Variants in PPL observed in about 807,000 individuals in gnomAD.
PPL encodes the protein periplakin.
In PPL, 198 loss-of-function variants were observed where a neutral mutation model predicts 194.4. That is an observed-to-expected ratio of 1.02 (90% CI 0.91 to 1.15). The LOEUF (loss-of-function observed/expected upper bound fraction) is 1.15. PPL is among the 50% of genes most tolerant of loss of function. The probability of loss-of-function intolerance (pLI) is 0.00; values close to 1 mark genes in which losing one functional copy is unlikely to be tolerated. For synonymous variants in PPL, 1,220 were observed against 972.4 expected (o/e 1.25, Z -4.74); for missense variants, 2,885 against 2,294.8 (o/e 1.26, Z -5.25).
intron 8 of PPL, among the ~76,000 whole-genome samples, chr16:4,898,152 T>G (rs978855754): frequency 6.6e-6 from 1 of 151,830 alleles, no homozygotes; most frequent in African/African-American, 2.4e-5. Flanking sequence ...CCGAGGCGGG[T>G]GGATCACCTG....
At chr16:4,914,543 T>C (rs1406482592) in intron 1 of PPL, among the ~76,000 whole-genome samples, 5 of 152,156 alleles carry the variant, frequency 3.3e-5, no homozygotes, top group Non-Finnish European at 7.4e-5. Context: ...AGCTGGGGGA[T>C]CTTGAGGGAA....
In PPL at chr16:4,885,649, A is replaced by G. The variant is rs186950765; in HGVS notation, c.3006T>C (p.Pro1002=). The change falls in exon 22 of 22, where the codon CCT becomes CCC. Residue 1002 remains proline, a synonymous_variant. Transcript: ENST00000345988. The surrounding 1 kb of genome is among the most constrained non-coding windows in gnomAD (Gnocchi z 6.3). ...AGACCTCATCCGCCTGGGCCCTGTCAGGCTCGATGCGCAGGACCTCCTTGA... is the reference window on the plus strand; with the variant it reads ...AGACCTCATCCGCCTGGGCCCTGTCGGGCTCGATGCGCAGGACCTCCTTGA... ...YVVKEVLRIE[P]DRAQADEVLQ... is the part of the protein sequence containing the mutation. 457 of 1,612,460 alleles carry G rather than the reference A, an allele frequency of 2.8e-4. 3 individuals are homozygous for G. In the East Asian group the frequency reaches 7.7e-3, roughly 27 times the overall value.
At chr16:4,899,462 G>GGCCCAGCTGTGGCTGGCCTGAGGACAA (rs2088506529) in intron 6 of PPL, 78 bp from the exon 7 acceptor site, 11 of 706,554 alleles carry the variant, frequency 1.6e-5, no homozygotes, top group East Asian at 8.5e-5. Context: ...CCTCCTGCAG[G>GGCCCAGCTGTGGCTGGCCTGAGGACAA]GCCCAGCTAT....
intron 1 of PPL, among the ~76,000 whole-genome samples, chr16:4,913,710 G>C (rs2088863456): frequency 6.6e-6 from 1 of 152,152 alleles, no homozygotes; most frequent in Non-Finnish European, 1.5e-5. Flanking sequence ...GCCTCCTTCT[G>C]TTGTTTTCTT....
At chr16:4,929,974 T>C (rs2089207074) in intron 1 of PPL, among the ~76,000 whole-genome samples, 1 of 152,090 alleles carries the variant, frequency 6.6e-6, no homozygotes, top group African/African-American at 2.4e-5. Context: ...TGCGAACCAC[T>C]GCACCTGGTT....
At position 4,894,606 on chromosome 16, in the gene PPL, G is replaced by T. The variant is rs1349631632; in HGVS notation, c.1255C>A (p.Arg419=). 5.6e-6 allele frequency: 9 copies of T among 1,613,042 alleles called. No individual in the cohort carries two copies. Among genetic ancestry groups the T allele is most frequent in the Non-Finnish European group, 2.5e-6 (3 of 1,179,866 alleles). ...TTCTGCAGGGTGTAGCTGTAGCCCC[G>T]CGAGATCAGGCCCTGGCGGGGGCAG... ...DFEGEQGLIS[R]GYSYTLQKNN... Residue 419 remains arginine (R), a synonymous_variant, in exon 12 of 22, where the codon CGG becomes AGG. Transcript: ENST00000345988.
At chr16:4,887,899 C>T (rs1196698181) in intron 20 of PPL, among the ~76,000 whole-genome samples, 1 of 152,190 alleles carries the variant, frequency 6.6e-6, no homozygotes, top group East Asian at 1.9e-4. Flanking sequence ...CCCGGCCTTG[C>T]TGTCTTTCTA....
At chr16:4,907,308 TCACACACACA>T (rs56210938) in intron 2 of PPL, among the ~76,000 whole-genome samples, 9,125 of 145,692 alleles carry the variant, frequency 0.063, 378 homozygotes, top group African/African-American at 0.098. Flanking sequence ...ATATCTAATC[TCACACACACA>T]CACACACACA....
chr16:4,903,847 CCAA>C, intron 3 of PPL, 36 bp downstream of exon 3: 2 of 1,609,854 alleles, frequency 1.2e-6, no homozygotes, highest in Non-Finnish European at 1.7e-6. Flanking sequence ...CCCATAGCCC[CCAA>C]TGGCTCCCCT....
intron 6 of PPL, 91 bp from the exon 7 acceptor site, chr16:4,899,475 C>CTAGCCTGAGGACAAGCCCAGCTATGGG: frequency 1.4e-6 from 1 of 709,082 alleles, no homozygotes. Context: ...CCAGCTATGG[C>CTAGCCTGAGGACAAGCCCAGCTATGGG]TGGCCTGAGG....
intron 1 of PPL, among the ~76,000 whole-genome samples, chr16:4,915,009 G>A (rs555311658): frequency 1.3e-5 from 2 of 152,336 alleles, no homozygotes; most frequent in Non-Finnish European, 2.9e-5. Flanking sequence ...CCCTGACTCT[G>A]CAGTGCATCG....
intron 1 of PPL, among the ~76,000 whole-genome samples, chr16:4,930,816 C>T (rs1436813402): frequency 6.6e-6 from 1 of 152,210 alleles, no homozygotes; most frequent in Non-Finnish European, 1.5e-5. Context: ...TGTGGCCGGG[C>T]ACAGCGTGGA....
chr16:4,889,888 A>G (rs2088287104), intron 18 of PPL, among the ~76,000 whole-genome samples: 1 of 152,208 alleles, frequency 6.6e-6, no homozygotes, highest in African/African-American at 2.4e-5. Context: ...TTTCCCCCAC[A>G]AAGGCGGCTC....
chr16:4,917,256 G>C (rs1311030150), intron 1 of PPL, among the ~76,000 whole-genome samples: 4 of 152,164 alleles, frequency 2.6e-5, no homozygotes, highest in Non-Finnish European at 2.9e-5. Flanking sequence ...ACTTTTTAGT[G>C]GAAACAACTC....
chr16:4,926,738 G>A (rs1249863508), intron 1 of PPL, among the ~76,000 whole-genome samples: 1 of 152,000 alleles, frequency 6.6e-6, no homozygotes, highest in Non-Finnish European at 1.5e-5. Flanking sequence ...AAATAGCCGG[G>A]CGTGGTGGCA....
In PPL at chr16:4,910,893, T is replaced by C. The variant is rs146955466; in HGVS notation, c.119A>G (p.Gln40Arg). The C allele has an allele frequency of 8.1e-6, 13 of 1,613,914 alleles. No individual in the cohort carries two copies. The highest frequency in any genetic ancestry group is 1.1e-5 in the Non-Finnish European group (13 of 1,180,014). The change falls in exon 2 of 22, where the codon CAG (glutamine) becomes CGG (arginine). Residue 40 changes from glutamine to arginine, a missense_variant. Gln to Arg is a conservative substitution (Grantham distance 43). Coordinates refer to ENST00000345988, the MANE Select transcript of PPL (RefSeq NM_002705.5). ...LIEQLQKNAD[Q>R]VEKNIVDTEA... Reference sequence around the variant, plus strand: ...TGTGTCCACGATGTTCTTCTCCACCTGGTCGGCATTCTTCTGCAGCTGCTC... The same window carrying C: ...TGTGTCCACGATGTTCTTCTCCACCCGGTCGGCATTCTTCTGCAGCTGCTC...
In PPL at chr16:4,886,866, G is replaced by C. The variant is rs1357962259; in HGVS notation, c.2607+269C>G. On this transcript the variant is annotated intron_variant, in intron 21 of 21. Coordinates refer to ENST00000345988, the MANE Select transcript of PPL (RefSeq NM_002705.5). ...ACTCCTGACCTCAGGTGATCCGCCT[G>C]CCTCGGCCTCCCAAAGTGCTGGGAT... Among the ~76,000 whole-genome samples, 3 of 152,336 alleles carry C rather than the reference G, an allele frequency of 2.0e-5. No homozygotes were observed. The East Asian group carries it at 5.8e-4, about 29-fold the overall frequency.
At chr16:4,891,973 G>A in intron 15 of PPL, 24 bp from the exon 16 acceptor site, 2 of 1,611,164 alleles carry the variant, frequency 1.2e-6, no homozygotes, top group East Asian at 2.2e-5. Context: ...TCAGGCGTCG[G>A]GGGATGCCCA....
chr16:4,934,742 T>C (rs1391844052), intron 1 of PPL, among the ~76,000 whole-genome samples: 1 of 152,012 alleles, frequency 6.6e-6, no homozygotes, highest in Non-Finnish European at 1.5e-5. Context: ...GTCTGTCCCC[T>C]CCACCCCCCC....
Sources: allele counts gnomAD v4.1 joint callset (sites outside exome capture counted in the v4.1 genomes callset), GRCh38; gene constraint gnomAD v4.1.1; non-coding constraint Gnocchi (gnomAD v3.1); transcripts MANE v1.5; gene names NCBI Gene and HGNC (gene_info 2026-07-23, HGNC 2026-07-21).